SLC14A2: variants seen among roughly 807,000 people sequenced by gnomAD.
The protein encoded by SLC14A2 is solute carrier family 14 member 2, also known as urea transporter 2.
A neutral mutation model predicts 104.6 loss-of-function variants in SLC14A2; 91 were observed. The observed-to-expected ratio is 0.87, with a 90% CI of 0.73 to 1.04. The LOEUF (loss-of-function observed/expected upper bound fraction) is 1.04. Among genes scored for constraint, SLC14A2 ranks in the 50% least tolerant of loss-of-function variants. SLC14A2 has a pLI of 0.00. For missense variants in SLC14A2, 1,189 were observed against 1,156.0 expected, an observed-to-expected ratio of 1.03 and a Z score of -0.41; for synonymous variants, 476 against 466.4, an observed-to-expected ratio of 1.02 and a Z score of -0.27.
At chr18:45,655,236 G>A (rs1360509992) in intron 10 of SLC14A2, among the ~76,000 whole-genome samples, 2 of 152,172 alleles carry the variant, frequency 1.3e-5, no homozygotes, top group Non-Finnish European at 2.9e-5. Context: ...CATGCCATAA[G>A]GAACAACATC....
intron 1 of SLC14A2, among the ~76,000 whole-genome samples, chr18:45,358,225 C>T (rs750292407): frequency 7.2e-5 from 11 of 152,098 alleles, no homozygotes; most frequent in Non-Finnish European, 1.2e-4. Context: ...GCCTGTTTAC[C>T]ACGTGCATTG....
At position 45,637,184 on chromosome 18, in the gene SLC14A2, T is replaced by C. The variant is rs751429089; in HGVS notation, c.843+2T>C. The C allele has an allele frequency of 3.7e-6, 6 of 1,613,260 alleles. No homozygotes were observed. In the African/African-American group the frequency reaches 8.0e-5, roughly 22 times the overall value. On this transcript the variant is annotated splice_donor_variant, in intron 6 of 19. Transcript: ENST00000255226. LOFTEE classifies it high-confidence loss of function. ...TGGACAGAGATGGAAATGCCCCTGG[T>C]AAGTTACCCAGCGGTGATGAGTTGA...
chr18:45,300,449 A>AT (rs529828450), intron 1 of SLC14A2, among the ~76,000 whole-genome samples: 2 of 151,974 alleles, frequency 1.3e-5, no homozygotes, highest in Admixed American at 6.5e-5. Flanking sequence ...AAAAAAAAAA[A>AT]GTCCTAAGAA....
intron 1 of SLC14A2, among the ~76,000 whole-genome samples, chr18:45,437,892 G>A (rs894776861): frequency 1.3e-5 from 2 of 152,288 alleles, no homozygotes; most frequent in East Asian, 1.9e-4. Context: ...CAAAATACAT[G>A]CTCTTAATGT....
intron 1 of SLC14A2, among the ~76,000 whole-genome samples, chr18:45,314,186 G>A (rs1161927809): frequency 6.6e-6 from 1 of 152,210 alleles, no homozygotes; most frequent in East Asian, 1.9e-4. Context: ...CCTTGATCAT[G>A]AGGGTGACTG....
intron 1 of SLC14A2, among the ~76,000 whole-genome samples, chr18:45,271,748 C>T (rs1306145495): frequency 6.6e-6 from 1 of 152,050 alleles, no homozygotes; most frequent in Non-Finnish European, 1.5e-5. Context: ...AGATTCAATG[C>T]AATCCCTATC....
chr18:45,440,909 G>A (rs1235575517), intron 1 of SLC14A2, among the ~76,000 whole-genome samples: 6 of 152,084 alleles, frequency 3.9e-5, no homozygotes, highest in East Asian at 3.9e-4. Context: ...CTCAAATGCC[G>A]GGAGAATAAA....
chr18:45,578,789 T>TATCA (rs2044449918), intron 2 of SLC14A2, among the ~76,000 whole-genome samples: 1 of 152,246 alleles, frequency 6.6e-6, no homozygotes, highest in Admixed American at 6.5e-5. Flanking sequence ...TCACAGAGTG[T>TATCA]ATCAGTTAGC....
intron 2 of SLC14A2, among the ~76,000 whole-genome samples, chr18:45,572,712 T>C (rs1366550083): frequency 6.6e-6 from 1 of 152,230 alleles, no homozygotes; most frequent in Admixed American, 6.5e-5. Flanking sequence ...ATTGTCATCG[T>C]ATATACCACT....
chr18:45,192,346 C>T, the SLC14A2 span, among the ~76,000 whole-genome samples: 1 of 152,204 alleles, frequency 6.6e-6, no homozygotes, highest in Admixed American at 6.5e-5. Context: ...GTTGTTACCA[C>T]TTCTTGGCTA....
intron 1 of SLC14A2, among the ~76,000 whole-genome samples, chr18:45,338,615 C>T (rs1209132825): frequency 3.5e-5 from 5 of 143,762 alleles, no homozygotes; most frequent in South Asian, 4.3e-4. Flanking sequence ...AACCTCACCA[C>T]GACAGGCCCA....
intron 2 of SLC14A2, among the ~76,000 whole-genome samples, chr18:45,609,213 G>T (rs900111753): frequency 3.4e-4 from 52 of 151,994 alleles, no homozygotes; most frequent in African/African-American, 1.2e-3. Context: ...ATCCCTTCCT[G>T]CCATCACACC....
At chr18:45,272,526 T>C (rs2084661296) in intron 1 of SLC14A2, among the ~76,000 whole-genome samples, 1 of 152,024 alleles carries the variant, frequency 6.6e-6, no homozygotes, top group Admixed American at 6.6e-5. Flanking sequence ...GGATCTAAAA[T>C]TCAAATCAAT....
chr18:45,239,598 G>A (rs1412860752), intron 1 of SLC14A2, among the ~76,000 whole-genome samples: 1 of 152,260 alleles, frequency 6.6e-6, no homozygotes, highest in Non-Finnish European at 1.5e-5. Flanking sequence ...TACAGCAACA[G>A]TAAAAGATCA....
At chr18:45,382,357 G>A (rs1266680678) in intron 1 of SLC14A2, among the ~76,000 whole-genome samples, 1 of 152,104 alleles carries the variant, frequency 6.6e-6, no homozygotes, top group Non-Finnish European at 1.5e-5. Flanking sequence ...TTAGTACATG[G>A]CAGAATCTAT....
the SLC14A2 span, among the ~76,000 whole-genome samples, chr18:45,196,589 C>T: frequency 3.9e-5 from 6 of 152,164 alleles, no homozygotes; most frequent in Admixed American, 1.3e-4. Flanking sequence ...CAGACAGCTG[C>T]CTTTGTAGGA....
chr18:45,682,913 T>G lies in SLC14A2; in HGVS notation c.*394T>G. 4.7e-6 allele frequency: 1 copy of G among 212,842 alleles called. No individual in the cohort carries two copies. Among genetic ancestry groups the G allele is most frequent in the Non-Finnish European group, 9.7e-6 (1 of 102,892 alleles). The allele number at this position is 212,842 out of a possible 1,614,324, so 13.2% of individuals were successfully genotyped here. On this transcript the variant is annotated 3_prime_UTR_variant, in exon 20 of 20. Coordinates refer to ENST00000255226, the MANE Select transcript of SLC14A2 (RefSeq NM_007163.4). Reference sequence around the variant, plus strand: ...ATCGAGACCATCCTGGCGAACATGGTGAGACCCCATCTCTACTAAAAATAC... The same window carrying G: ...ATCGAGACCATCCTGGCGAACATGGGGAGACCCCATCTCTACTAAAAATAC...
Position 45,682,483 on chromosome 18 carries a change from A to G in SLC14A2, c.2727A>G (p.Ser909=), listed in dbSNP as rs144901445. The change falls in exon 20 of 20, where the codon TCA becomes TCG. Residue 909 remains serine (S), a synonymous_variant. Transcript: ENST00000255226. ...YLSQERNRRA[S]IITKYQAYDV... is the part of the protein sequence containing the mutation. ...CCCAGGAGAGAAACAGAAGGGCATC[A>G]ATCATAACAAAGTATCAGGCCTACG... is the stretch of plus-strand genomic sequence containing the variant. 1.9e-6 allele frequency: 3 copies of G among 1,614,154 alleles called. No individual in the cohort carries two copies. The highest frequency in any genetic ancestry group is 1.7e-5 in the Admixed American group (1 of 60,026).
At chr18:45,396,550 AT>A (rs1379588888) in intron 1 of SLC14A2, among the ~76,000 whole-genome samples, 2 of 148,488 alleles carry the variant, frequency 1.3e-5, no homozygotes, top group Non-Finnish European at 3.0e-5. Context: ...TTTTCCATTT[AT>A]TTGTTTCTTT....
Sources: allele counts gnomAD v4.1 joint callset (sites outside exome capture counted in the v4.1 genomes callset), GRCh38; gene constraint gnomAD v4.1.1; transcripts MANE v1.5; gene names NCBI Gene and HGNC (gene_info 2026-07-23, HGNC 2026-07-21).